Variants in AGBL4 observed in about 807,000 individuals in gnomAD.
AGBL4 encodes cytosolic carboxypeptidase 6.
In AGBL4, 58 loss-of-function variants were observed where a neutral mutation model predicts 66.4. That is an observed-to-expected ratio of 0.87 (90% CI 0.71 to 1.09). The LOEUF (loss-of-function observed/expected upper bound fraction) is 1.09. Among genes scored for constraint, AGBL4 ranks in the 50% least tolerant of loss-of-function variants. AGBL4 has a pLI of 0.00. For missense variants in AGBL4, 579 were observed against 631.0 expected (o/e 0.92, Z 0.88); for synonymous variants, 234 against 222.9 (o/e 1.05, Z -0.44).
chr1:49,284,167 G>A (rs368750068), intron 3 of AGBL4, among the ~76,000 whole-genome samples: 8 of 152,236 alleles, frequency 5.3e-5, no homozygotes, highest in South Asian at 2.1e-4. Context: ...TAACAGCAGC[G>A]GATCTCTCGG....
intron 5 of AGBL4, among the ~76,000 whole-genome samples, chr1:49,006,298 C>T (rs1260236456): frequency 9.2e-5 from 14 of 152,266 alleles, no homozygotes; most frequent in South Asian, 6.2e-4. Flanking sequence ...CACTCCCACC[C>T]GAATACTGTG....
chr1:49,251,245 C>T (rs1346955934), intron 3 of AGBL4, among the ~76,000 whole-genome samples: 1 of 152,172 alleles, frequency 6.6e-6, no homozygotes, highest in East Asian at 1.9e-4. Context: ...ACACCTTCCC[C>T]ATACTGCAGC....
chr1:49,516,068 C>G (rs894016492), intron 3 of AGBL4, among the ~76,000 whole-genome samples: 2 of 151,260 alleles, frequency 1.3e-5, no homozygotes, highest in Non-Finnish European at 3.0e-5. Context: ...AAGACTGCCC[C>G]CCCCCACAAA....
Position 48,577,066 on chromosome 1 carries a change from T to C in AGBL4, c.1267+9938A>G, listed in dbSNP as rs566562490. Among the ~76,000 whole-genome samples the C allele has an allele frequency of 5.3e-5, 8 of 152,358 alleles. No individual in the cohort carries two copies. The East Asian group carries it at 1.5e-3, about 29-fold the overall frequency. ...CTCAAATGTTCCAGGCGTTCATGCA[T>C]TCAACAATTATTTATTAAGCTTCTC... On this transcript the variant is annotated intron_variant, in intron 11 of 13. Transcript: ENST00000371839.
At chr1:49,706,975 A>G (rs752625135) in intron 2 of AGBL4, among the ~76,000 whole-genome samples, 8 of 152,154 alleles carry the variant, frequency 5.3e-5, no homozygotes, top group Non-Finnish European at 1.2e-4. Context: ...TAAGTGGGCA[A>G]TTCTAGAATA....
At chr1:48,984,371 A>G (rs1025639094) in intron 5 of AGBL4, among the ~76,000 whole-genome samples, 1 of 151,464 alleles carries the variant, frequency 6.6e-6, no homozygotes, top group Non-Finnish European at 1.5e-5. Context: ...ATGCTCCCAC[A>G]GGGACCTGAA....
Position 49,137,326 on chromosome 1 carries a change from C to T in AGBL4, c.378-91526G>A, listed in dbSNP as rs116029405. Among the ~76,000 whole-genome samples the T allele has an allele frequency of 5.4e-3, 824 of 151,980 alleles. 11 individuals are homozygous for T. The highest frequency in any genetic ancestry group is 5.7e-3 in the Non-Finnish European group (386 of 67,972). ...CGTATAATAGAAGACTGATTGTATACGAAAATAAAATGATGGAGGTTTGTA... is the reference window on the plus strand; with the variant it reads ...CGTATAATAGAAGACTGATTGTATATGAAAATAAAATGATGGAGGTTTGTA... On this transcript the variant is annotated intron_variant, in intron 4 of 13. Transcript: ENST00000371839.
At chr1:49,746,822 T>C (rs531254939) in intron 2 of AGBL4, among the ~76,000 whole-genome samples, 3 of 152,206 alleles carry the variant, frequency 2.0e-5, no homozygotes, top group Admixed American at 2.0e-4. Context: ...AAGACTCTCC[T>C]AGCTCCAACA....
chr1:49,040,539 C>T (rs986830966), intron 5 of AGBL4, among the ~76,000 whole-genome samples: 13 of 151,948 alleles, frequency 8.6e-5, no homozygotes, highest in African/African-American at 2.7e-4. Flanking sequence ...AAGTCCAAAC[C>T]GAAATCCATC....
intron 3 of AGBL4, among the ~76,000 whole-genome samples, chr1:49,455,180 G>GTATATATGTT (rs1267978121): frequency 3.3e-5 from 5 of 151,606 alleles, no homozygotes; most frequent in African/African-American, 1.2e-4. Context: ...TGAAAAGTAT[G>GTATATATGTT]TATATATGTT....
At chr1:48,912,651 C>A (rs931116718) in intron 5 of AGBL4, among the ~76,000 whole-genome samples, 4 of 152,158 alleles carry the variant, frequency 2.6e-5, no homozygotes, top group African/African-American at 9.7e-5. Context: ...CATTTCTGTA[C>A]ATAAGGTGGT....
At chr1:49,183,774 T>C (rs1268217642) in intron 4 of AGBL4, among the ~76,000 whole-genome samples, 1 of 152,210 alleles carries the variant, frequency 6.6e-6, no homozygotes, top group African/African-American at 2.4e-5. Context: ...GCCCTATTAT[T>C]TGTTTAGATA....
chr1:49,963,688 G>A (rs1657309107), intron 1 of AGBL4, among the ~76,000 whole-genome samples: 4 of 151,906 alleles, frequency 2.6e-5, no homozygotes, highest in African/African-American at 4.8e-5. Flanking sequence ...TTTTTCTATC[G>A]GCTACAAAGA....
chr1:49,995,308 G>T (rs1025047295), intron 1 of AGBL4: 5 of 454,224 alleles, frequency 1.1e-5, no homozygotes, highest in Non-Finnish European at 1.8e-5. Flanking sequence ...GTGCTATTGG[G>T]GTGCACAGTG....
intron 4 of AGBL4, among the ~76,000 whole-genome samples, chr1:49,181,293 C>T (rs1646927089): frequency 6.6e-6 from 1 of 152,152 alleles, no homozygotes; most frequent in Non-Finnish European, 1.5e-5. Context: ...CAAACTCATC[C>T]TTAAACATTG....
chr1:49,343,760 G>A (rs1284966542), intron 3 of AGBL4, among the ~76,000 whole-genome samples: 1 of 152,168 alleles, frequency 6.6e-6, no homozygotes, highest in Non-Finnish European at 1.5e-5. Context: ...TGTGTCATGT[G>A]TGAAGTTTTG....
chr1:48,796,954 A>G (rs1395068727), intron 6 of AGBL4, among the ~76,000 whole-genome samples: 1 of 152,240 alleles, frequency 6.6e-6, no homozygotes, highest in Non-Finnish European at 1.5e-5. Flanking sequence ...GACACAGGAA[A>G]GCAGAACTTG....
intron 4 of AGBL4, among the ~76,000 whole-genome samples, chr1:49,152,266 GT>G (rs1441104901): frequency 6.6e-6 from 1 of 152,140 alleles, no homozygotes; most frequent in East Asian, 1.9e-4. Flanking sequence ...GGTGGAATAG[GT>G]GACTGAATGG....
At chr1:49,929,064 T>C (rs1653075042) in intron 1 of AGBL4, among the ~76,000 whole-genome samples, 1 of 152,140 alleles carries the variant, frequency 6.6e-6, no homozygotes, top group Non-Finnish European at 1.5e-5. Flanking sequence ...TTAATGCAGA[T>C]ACAGAAAACC....
Sources: gnomAD v4.1 joint callset for allele counts (sites outside exome capture counted in the v4.1 genomes callset) on GRCh38, gnomAD v4.1.1 for gene constraint, MANE v1.5 for transcripts, NCBI Gene and HGNC (gene_info 2026-07-23, HGNC 2026-07-21) for gene names.